FGF12: variants seen among roughly 807,000 people sequenced by gnomAD.
The protein encoded by FGF12 is fibroblast growth factor 12B.
A neutral mutation model predicts 23.6 loss-of-function variants in FGF12; 14 were observed. The ratio of observed to expected loss-of-function variants is 0.59; its 90% CI spans 0.39 to 0.93. FGF12 has a LOEUF of 0.93. FGF12 is among the 40% of genes least tolerant of loss of function. The pLI is 0.00. For synonymous variants in FGF12, 62 were observed against 77.3 expected, an observed-to-expected ratio of 0.80 and a Z score of 1.04; for missense variants, 175 against 217.8, an observed-to-expected ratio of 0.80 and a Z score of 1.24.
chr3:192,711,322 G>A lies in FGF12; in HGVS notation c.13+15859C>T, dbSNP rs964996514. ...CCCCACCCAGCCAGCCGCCCCATCC[G>A]GGAGGTGGGGGGCATCTCCGCCCAG... On this transcript the variant is annotated intron_variant, in intron 2 of 5. Transcript: ENST00000445105. Among the ~76,000 whole-genome samples the A allele has an allele frequency of 3.3e-5, 5 of 149,446 alleles. No homozygotes were observed. In the East Asian group the frequency reaches 6.2e-4, roughly 18 times the overall value.
rs1719231405 is a variant in FGF12, at chr3:192,726,835, T to C, written c.13+346A>G. The C allele has an allele frequency of 1.2e-5, 4 of 320,168 alleles. No homozygotes were observed. The South Asian group carries it at 2.8e-4, about 23-fold the overall frequency. The allele number at this position is 320,168 out of a possible 1,614,324, so 19.8% of individuals were successfully genotyped here. On this transcript the variant is annotated intron_variant, in intron 2 of 5. Coordinates refer to ENST00000445105, the MANE Select transcript of FGF12 (RefSeq NM_004113.6). ...GTCAGCAATTCTAAAGCAAATGAAA[T>C]AGATTTATTTGAGTCCATCCATTAT...
chr3:192,367,077 G>T (rs1408992667), intron 2 of FGF12, among the ~76,000 whole-genome samples: 1 of 152,204 alleles, frequency 6.6e-6, no homozygotes, highest in Non-Finnish European at 1.5e-5. Flanking sequence ...TCCAAAGGCG[G>T]AGACACTCTG....
chr3:192,207,666 G>C (rs1436392240), intron 4 of FGF12, among the ~76,000 whole-genome samples: 1 of 152,202 alleles, frequency 6.6e-6, no homozygotes, highest in Non-Finnish European at 1.5e-5. Context: ...TTGCTAAAGG[G>C]CTTGGCATTT....
In FGF12 at chr3:192,686,815, A is replaced by ATTTT. The variant is rs57045697; in HGVS notation, c.13+40362_13+40365dup. On this transcript the variant is annotated intron_variant, in intron 2 of 5. Coordinates refer to ENST00000445105, the MANE Select transcript of FGF12 (RefSeq NM_004113.6). ...AAAAAGACAATGACTTTTTTCTCTA[A>ATTTT]TTTTTTTTTTTTTTTTTTTTTTTTT... Among the ~76,000 whole-genome samples, 300 of 61,502 alleles carry ATTTT rather than the reference A, an allele frequency of 4.9e-3. 19 individuals are homozygous for ATTTT. Among genetic ancestry groups the ATTTT allele is most frequent in the African/African-American group, 0.018 (221 of 12,306 alleles). 40.3% of individuals were successfully genotyped at this position (61,502 alleles called of 152,430 possible). A position where few individuals can be genotyped will look rare whatever the true frequency, so the allele number is the denominator to read the frequency against.
chr3:192,620,235 C>A (rs1169922902), intron 2 of FGF12, among the ~76,000 whole-genome samples: 7 of 69,588 alleles, frequency 1.0e-4, no homozygotes. Context: ...ATCAATTACA[C>A]ACACACGCGC....
At chr3:192,574,945 C>G (rs1162431270) in intron 2 of FGF12, among the ~76,000 whole-genome samples, 1 of 152,190 alleles carries the variant, frequency 6.6e-6, no homozygotes, top group Non-Finnish European at 1.5e-5. Context: ...TTTTAAGCCA[C>G]TGAGTTTTGG....
chr3:192,716,106 G>T (rs570548850), intron 2 of FGF12, among the ~76,000 whole-genome samples: 23 of 152,328 alleles, frequency 1.5e-4, no homozygotes, highest in Admixed American at 5.2e-4. Context: ...TTTTCTCAAA[G>T]ATCTAGACTA....
chr3:192,455,425 G>A (rs1017022041), intron 2 of FGF12, among the ~76,000 whole-genome samples: 1 of 152,104 alleles, frequency 6.6e-6, no homozygotes, highest in South Asian at 2.1e-4. Flanking sequence ...AGAAATAGTT[G>A]CAAGGAAACT....
At chr3:192,647,224 CCTT>C (rs1391507507) in intron 2 of FGF12, among the ~76,000 whole-genome samples, 2 of 152,086 alleles carry the variant, frequency 1.3e-5, no homozygotes, top group Non-Finnish European at 2.9e-5. Flanking sequence ...GAAGTCTCCT[CCTT>C]CGTGCTGAAT....
rs76670651 is a variant in FGF12, at chr3:192,170,315, T to C, written c.427+143A>G. On this transcript the variant is annotated intron_variant, in intron 5 of 5. Coordinates refer to ENST00000445105, the MANE Select transcript of FGF12 (RefSeq NM_004113.6). ...AAAAAAAAAAAAGGAAGAGATACTA[T>C]TGTGTTCTCTGAATATTTCTTTTGA... 1.2e-3 allele frequency: 807 copies of C among 653,598 alleles called. 6 individuals are homozygous for C. In the African/African-American group the frequency reaches 0.014, roughly 11 times the overall value. The allele number at this position is 653,598 out of a possible 1,614,324, so 40.5% of individuals were successfully genotyped here. A position where few individuals can be genotyped will look rare whatever the true frequency, so the allele number is the denominator to read the frequency against.
At chr3:192,621,547 G>T (rs564457853) in intron 2 of FGF12, among the ~76,000 whole-genome samples, 1 of 152,068 alleles carries the variant, frequency 6.6e-6, no homozygotes, top group Non-Finnish European at 1.5e-5. Context: ...CTATTTTAGA[G>T]TAGAGATAAT....
At chr3:192,703,497 A>G (rs1190259769) in intron 2 of FGF12, among the ~76,000 whole-genome samples, 1 of 152,224 alleles carries the variant, frequency 6.6e-6, no homozygotes, top group Non-Finnish European at 1.5e-5. Flanking sequence ...TGGCTTTAGC[A>G]GTTCCTCAAA....
intron 2 of FGF12, among the ~76,000 whole-genome samples, chr3:192,488,101 T>C (rs2108823978): frequency 6.6e-6 from 1 of 152,268 alleles, no homozygotes; most frequent in South Asian, 2.1e-4. Context: ...TACTTAACTA[T>C]AAGCTATGGC....
intron 2 of FGF12, among the ~76,000 whole-genome samples, chr3:192,497,508 C>G (rs1269352270): frequency 6.6e-6 from 1 of 152,202 alleles, no homozygotes; most frequent in Admixed American, 6.5e-5. Context: ...CCATGACTTC[C>G]CATAATCCTC....
intron 2 of FGF12, among the ~76,000 whole-genome samples, chr3:192,609,037 T>A (rs1213598313): frequency 6.6e-6 from 1 of 152,100 alleles, no homozygotes. Context: ...CTTTGGAAAT[T>A]CTGTGTTCCT....
intron 4 of FGF12, among the ~76,000 whole-genome samples, chr3:192,267,657 A>G (rs1713163062): frequency 6.6e-6 from 1 of 152,148 alleles, no homozygotes; most frequent in African/African-American, 2.4e-5. Context: ...TAAATGTGGC[A>G]TTGTGGACAT....
chr3:192,311,451 C>T (rs1391653249), intron 4 of FGF12, among the ~76,000 whole-genome samples: 1 of 152,164 alleles, frequency 6.6e-6, no homozygotes, highest in African/African-American at 2.4e-5. Flanking sequence ...ATGGTTCAAT[C>T]TTATCGTAGC....
intron 4 of FGF12, among the ~76,000 whole-genome samples, chr3:192,243,090 T>C (rs866938047): frequency 1.3e-5 from 2 of 152,052 alleles, no homozygotes; most frequent in Non-Finnish European, 2.9e-5. Context: ...ACTATCAAAA[T>C]ACTTCTGAGG....
At chr3:192,251,885 G>A (rs1163676332) in intron 4 of FGF12, among the ~76,000 whole-genome samples, 3 of 152,082 alleles carry the variant, frequency 2.0e-5, no homozygotes, top group African/African-American at 7.2e-5. Context: ...AGTGGTAGAA[G>A]GGTTCCAAAT....
Sources: gnomAD v4.1 joint callset for allele counts (sites outside exome capture counted in the v4.1 genomes callset) on GRCh38, gnomAD v4.1.1 for gene constraint, MANE v1.5 for transcripts, NCBI Gene and HGNC (gene_info 2026-07-23, HGNC 2026-07-21) for gene names.